KIFC3: variants seen among roughly 807,000 people sequenced by gnomAD.
KIFC3 encodes kinesin-like protein KIFC3.
KIFC3 carries 60 observed loss-of-function variants against 101.8 expected under a neutral mutation model. The observed-to-expected ratio is 0.59, with a 90% CI of 0.48 to 0.73. The LOEUF is 0.73. Among genes scored for constraint, KIFC3 ranks in the 30% least tolerant of loss-of-function variants. KIFC3 has a pLI of 0.00. For missense variants in KIFC3, 966 were observed against 1,137.1 expected, an observed-to-expected ratio of 0.85 and a Z score of 2.16; for synonymous variants, 476 against 482.7, an observed-to-expected ratio of 0.99 and a Z score of 0.18.
At chr16:57,827,964 G>A (rs1409569956) in intron 1 of KIFC3, among the ~76,000 whole-genome samples, 1 of 152,248 alleles carries the variant, frequency 6.6e-6, no homozygotes, top group Non-Finnish European at 1.5e-5. Context: ...CTTGAGGGAA[G>A]TTCTATTGTT....
intron 4 of KIFC3, 113 bp downstream of exon 4, chr16:57,772,110 G>A: frequency 1.2e-6 from 1 of 863,042 alleles, no homozygotes; most frequent in Non-Finnish European, 1.8e-6. Flanking sequence ...TCTGAGACAG[G>A]GTGGGATATG....
chr16:57,797,376 C>T (rs1460381975), intron 2 of KIFC3, among the ~76,000 whole-genome samples: 2 of 152,240 alleles, frequency 1.3e-5, no homozygotes, highest in East Asian at 1.9e-4. Flanking sequence ...GGGTCATGGA[C>T]AGCTCCGCGG....
intron 1 of KIFC3, among the ~76,000 whole-genome samples, chr16:57,812,203 C>A (rs959243732): frequency 6.6e-6 from 1 of 151,738 alleles, no homozygotes; most frequent in Admixed American, 6.6e-5. Context: ...CCACCTCGCC[C>A]GGCTAATTTT....
At chr16:57,774,688 A>AT in intron 3 of KIFC3, 2 of 307,216 alleles carry the variant, frequency 6.5e-6, no homozygotes, top group Non-Finnish European at 1.1e-5. Context: ...ACGCCCGGCT[A>AT]ATTTTTTTTT....
chr16:57,768,683 T>C (rs1288985250), intron 9 of KIFC3, among the ~76,000 whole-genome samples: 2 of 152,234 alleles, frequency 1.3e-5, no homozygotes, highest in Admixed American at 1.3e-4. Context: ...CATGTATTAC[T>C]GATATAGTCT....
intron 3 of KIFC3, among the ~76,000 whole-genome samples, chr16:57,784,485 G>T (rs1195085225): frequency 6.6e-6 from 1 of 152,240 alleles, no homozygotes; most frequent in Non-Finnish European, 1.5e-5. Context: ...GCTGCCCCCA[G>T]AACTGAGAGA....
intron 1 of KIFC3, among the ~76,000 whole-genome samples, chr16:57,845,392 C>T (rs67363780): frequency 0.058 from 8,763 of 152,238 alleles, 307 homozygotes; most frequent in African/African-American, 0.066. Context: ...AAGCCAATCA[C>T]GTCACTCATC....
Position 57,769,567 on chromosome 16 carries a change from G to A in KIFC3, c.1218+28C>T, listed in dbSNP as rs1555605584. The A allele has an allele frequency of 6.3e-7, 1 of 1,596,834 alleles. No homozygotes were observed. The highest frequency in any genetic ancestry group is 1.7e-5 in the Admixed American group (1 of 59,512). ...TCTCCCAGTGCACCCCCTTAGCCTG[G>A]ACCCTCCCACCCACTGCCCTCGCTC... On this transcript the variant is annotated intron_variant, in intron 9 of 19. Transcript: ENST00000445690. The surrounding 1 kb of genome is among the most constrained non-coding windows in gnomAD (Gnocchi z 4.3).
intron 13 of KIFC3, 138 bp from the exon 14 acceptor site, chr16:57,761,674 T>A: frequency 1.1e-6 from 1 of 878,682 alleles, no homozygotes; most frequent in Non-Finnish European, 1.8e-6. Context: ...TCTCTCCTCC[T>A]CCAGCTCCTC....
At chr16:57,845,439 G>A (rs146660240) in intron 1 of KIFC3, among the ~76,000 whole-genome samples, 1 of 152,316 alleles carries the variant, frequency 6.6e-6, no homozygotes, top group Non-Finnish European at 1.5e-5. Context: ...ATCGCTTCAA[G>A]TGAAAACCAA....
intron 1 of KIFC3, among the ~76,000 whole-genome samples, chr16:57,858,810 C>T (rs1369723188): frequency 2.0e-5 from 3 of 152,020 alleles, no homozygotes; most frequent in Non-Finnish European, 2.9e-5. Flanking sequence ...ATTAGCTGAG[C>T]GTGGTGGCAC....
At chr16:57,786,421 C>T (rs2053328024) in intron 3 of KIFC3, among the ~76,000 whole-genome samples, 2 of 152,228 alleles carry the variant, frequency 1.3e-5, no homozygotes, top group South Asian at 4.1e-4. Flanking sequence ...GACCTGTGCA[C>T]GGGGCCTGGG....
intron 15 of KIFC3, 25 bp from the exon 16 acceptor site, chr16:57,760,980 C>T (rs1555596368): frequency 6.2e-7 from 1 of 1,603,082 alleles, no homozygotes; most frequent in East Asian, 2.2e-5. Context: ...CCCACCAGAT[C>T]AGGCCTGCCC....
At chr16:57,838,439 C>T (rs570058888) in intron 1 of KIFC3, among the ~76,000 whole-genome samples, 66 of 152,322 alleles carry the variant, frequency 4.3e-4, no homozygotes, top group Middle Eastern at 3.4e-3. Context: ...CACCTAGTTA[C>T]AGCCCAGCCT....
At chr16:57,861,755 C>T (rs1959289322) in intron 1 of KIFC3, among the ~76,000 whole-genome samples, 1 of 152,066 alleles carries the variant, frequency 6.6e-6, no homozygotes, top group South Asian at 2.1e-4. Context: ...GCCAGGAGTT[C>T]AAGACCAGCC....
At chr16:57,784,318 G>A (rs1006410153) in intron 3 of KIFC3, among the ~76,000 whole-genome samples, 1 of 152,220 alleles carries the variant, frequency 6.6e-6, no homozygotes, top group African/African-American at 2.4e-5. Context: ...TCAAGCTGTG[G>A]GGTAAGTGTG....
At chr16:57,838,750 G>C (rs1225242061) in intron 1 of KIFC3, among the ~76,000 whole-genome samples, 1 of 152,080 alleles carries the variant, frequency 6.6e-6, no homozygotes, top group African/African-American at 2.4e-5. Flanking sequence ...ATTTCTTCAC[G>C]GGTTTTGCCC....
intron 1 of KIFC3, among the ~76,000 whole-genome samples, chr16:57,861,412 A>G (rs1318510985): frequency 1.3e-5 from 2 of 152,172 alleles, no homozygotes; most frequent in African/African-American, 4.8e-5. Flanking sequence ...CTCTGACACT[A>G]TTAACTTTCT....
At chr16:57,813,816 T>C in intron 1 of KIFC3, 1 of 985,100 alleles carries the variant, frequency 1.0e-6, no homozygotes, top group Non-Finnish European at 1.2e-6. Context: ...ATCTCCAGAG[T>C]CACAGCCTGA....
Sources: gnomAD v4.1 joint callset for allele counts (sites outside exome capture counted in the v4.1 genomes callset) on GRCh38, gnomAD v4.1.1 for gene constraint, Gnocchi (gnomAD v3.1) non-coding constraint, MANE v1.5 for transcripts, NCBI Gene and HGNC (gene_info 2026-07-23, HGNC 2026-07-21) for gene names.